BICRA: variants seen among roughly 807,000 people sequenced by gnomAD.
BICRA encodes BRD4-interacting chromatin-remodeling complex-associated protein.
In BICRA, 31 loss-of-function variants were observed where a neutral mutation model predicts 96.9. The observed-to-expected ratio is 0.32, with a 90% CI of 0.24 to 0.43. The LOEUF (loss-of-function observed/expected upper bound fraction) is 0.43. Ranked by LOEUF, BICRA falls within the 20% of genes least tolerant of loss-of-function variation. BICRA has a pLI of 1.00. For synonymous variants in BICRA, 1,350 were observed against 1,071.8 expected (o/e 1.26, Z -5.07); for missense variants, 2,283 against 2,190.3 (o/e 1.04, Z -0.84).
At position 47,694,373 on chromosome 19, in the gene BICRA, A is replaced by G. The variant is rs1490082335; in HGVS notation, c.2542A>G (p.Ser848Gly). The G allele has an allele frequency of 2.7e-6, 3 of 1,095,484 alleles. No individual in the cohort carries two copies. Among genetic ancestry groups the G allele is most frequent in the Non-Finnish European group, 3.8e-6 (3 of 795,920 alleles). The allele number at this position is 1,095,484 out of a possible 1,614,324, so 67.9% of individuals were successfully genotyped here. The change falls in exon 8 of 15, where the codon AGC (serine) becomes GGC (glycine). Residue 848 changes from serine to glycine, a missense_variant. By Grantham distance (56) the Ser-to-Gly change is moderately conservative (BLOSUM62 0). Coordinates refer to ENST00000594866, the MANE Select transcript of BICRA (RefSeq NM_001394372.1). The part of the protein sequence containing the change: ...QNQLGVPPPA[S>G]NPAPTAPGPP... ...CCAGCTAGGCGTTCCCCCGCCTGCC[A>G]GCAACCCGGCCCCTACTGCCCCAGG...
At position 47,673,713 on chromosome 19, in the gene BICRA, C is replaced by T; in HGVS notation, c.42-7C>T. 1.2e-6 allele frequency: 2 copies of T among 1,603,542 alleles called. No homozygotes were observed. The highest frequency in any genetic ancestry group is 2.2e-5 in the South Asian group (2 of 90,832). On this transcript the variant is annotated splice_region_variant and splice_polypyrimidine_tract_variant and intron_variant, in intron 3 of 14. Coordinates refer to ENST00000594866, the MANE Select transcript of BICRA (RefSeq NM_001394372.1). Reference sequence around the variant, plus strand: ...CCTCCTCAGCGTCTCTTCCTCTTCTCTTCCAGTGACCCACAGGCCCTCAAT... The same window carrying T: ...CCTCCTCAGCGTCTCTTCCTCTTCTTTTCCAGTGACCCACAGGCCCTCAAT...
At chr19:47,627,482 C>T (rs1972158389) in intron 1 of BICRA, among the ~76,000 whole-genome samples, 1 of 152,092 alleles carries the variant, frequency 6.6e-6, no homozygotes. Context: ...CGTTTCAGAC[C>T]AGAGTGCACA....
chr19:47,682,777 T>C (rs972892441), intron 7 of BICRA, among the ~76,000 whole-genome samples: 2 of 151,962 alleles, frequency 1.3e-5, no homozygotes, highest in Non-Finnish European at 2.9e-5. Context: ...GTTTAAGTGA[T>C]TCTCCTGCCT....
At chr19:47,655,859 AAAAAAAT>A (rs1413427267) in intron 1 of BICRA, among the ~76,000 whole-genome samples, 1 of 147,216 alleles carries the variant, frequency 6.8e-6, no homozygotes, top group African/African-American at 2.5e-5. Flanking sequence ...CCATCTCAAA[AAAAAAAT>A]AAAAATAAAA....
At position 47,701,672 on chromosome 19, in the gene BICRA, C is replaced by T; in HGVS notation, c.3940C>T (p.Gln1314Ter). ...SRIGLKLKIKQEAGLSKVVHN... is the reference protein window; with the variant it reads ...SRIGLKLKIK ...CATCGGGCTCAAGCTCAAGATCAAG[C>T]AGGAAGCCGGGCTCAGCAAGGTCGT... Residue 1314 changes from glutamine to a stop codon, truncating the protein, a stop_gained, in exon 15 of 15, where the codon CAG becomes TAG. Coordinates refer to ENST00000594866, the MANE Select transcript of BICRA (RefSeq NM_001394372.1). LOFTEE classifies it high-confidence loss of function. This position sits in a 1 kb window ranked among gnomAD's most constrained non-coding sequence, Gnocchi z 5.4. The T allele has an allele frequency of 6.2e-7, 1 of 1,603,640 alleles. No homozygotes were observed. The highest frequency in any genetic ancestry group is 8.5e-7 in the Non-Finnish European group (1 of 1,176,154).
intron 1 of BICRA, among the ~76,000 whole-genome samples, chr19:47,622,074 C>T (rs1401033002): frequency 1.3e-5 from 2 of 151,922 alleles, no homozygotes; most frequent in African/African-American, 4.8e-5. Context: ...TCAAGCAGTT[C>T]TCCTGCCTCA....
At chr19:47,618,869 C>A (rs1422476894) in intron 1 of BICRA, among the ~76,000 whole-genome samples, 1 of 152,202 alleles carries the variant, frequency 6.6e-6, no homozygotes, top group Non-Finnish European at 1.5e-5. Flanking sequence ...GTGAAGCTCC[C>A]CGGAGCCACC....
intron 1 of BICRA, among the ~76,000 whole-genome samples, chr19:47,651,200 C>T (rs1972535371): frequency 6.6e-6 from 1 of 152,144 alleles, no homozygotes; most frequent in African/African-American, 2.4e-5. Context: ...TGTCCCTGCC[C>T]TGTCCGGAGC....
chr19:47,633,696 TCTC>T (rs781652047), intron 1 of BICRA, among the ~76,000 whole-genome samples: 2 of 152,120 alleles, frequency 1.3e-5, no homozygotes, highest in African/African-American at 2.4e-5. Flanking sequence ...CAAAGTCTCT[TCTC>T]CTGTTATAAT....
chr19:47,634,414 A>C (rs1972267733), intron 1 of BICRA, among the ~76,000 whole-genome samples: 1 of 152,158 alleles, frequency 6.6e-6, no homozygotes, highest in African/African-American at 2.4e-5. Flanking sequence ...CCGAGCCTTG[A>C]AAGTGGCCAG....
At position 47,694,365 on chromosome 19, in the gene BICRA, C is replaced by T. The variant is rs868510387; in HGVS notation, c.2534C>T (p.Pro845Leu). The change falls in exon 8 of 15, where the codon CCG becomes CTG. Residue 845 changes from proline to leucine, a missense_variant. Physicochemically the swap from Pro to Leu is moderately conservative, Grantham distance 98 (BLOSUM62 -3). Coordinates refer to ENST00000594866, the MANE Select transcript of BICRA (RefSeq NM_001394372.1). Reference sequence around the variant, plus strand: ...ATCCAAAACCAGCTAGGCGTTCCCCCGCCTGCCAGCAACCCGGCCCCTACT... The same window carrying T: ...ATCCAAAACCAGCTAGGCGTTCCCCTGCCTGCCAGCAACCCGGCCCCTACT... ...FVIQNQLGVP[P>L]PASNPAPTAP... 9.9e-6 allele frequency: 13 copies of T among 1,312,896 alleles called. No individual in the cohort carries two copies. Among genetic ancestry groups the T allele is most frequent in the African/African-American group, 3.0e-5 (2 of 67,026 alleles). The allele number at this position is 1,312,896 out of a possible 1,614,324, so 81.3% of individuals were successfully genotyped here. A position where few individuals can be genotyped will look rare whatever the true frequency, so the allele number is the denominator to read the frequency against.
Position 47,682,115 on chromosome 19 carries a change from C to T in BICRA, c.2246C>T (p.Ala749Val), listed in dbSNP as rs1194101893. 3 of 1,506,084 alleles carry T rather than the reference C, an allele frequency of 2.0e-6. No individual in the cohort carries two copies. The highest frequency in any genetic ancestry group is 2.4e-5 in the East Asian group (1 of 41,742). The allele number at this position is 1,506,084 out of a possible 1,614,324, so 93.3% of individuals were successfully genotyped here. Residue 749 changes from alanine (A) to valine (V), a missense_variant, in exon 7 of 15, where the codon GCC becomes GTC. Transcript: ENST00000594866. Reference sequence around the variant, plus strand: ...AAAGGAGCTGGCCTCGGCCCTCAGGCCCCCGACAGCCAGGCTTCCCCGGCT... The same window carrying T: ...AAAGGAGCTGGCCTCGGCCCTCAGGTCCCCGACAGCCAGGCTTCCCCGGCT... ...VAKGAGLGPQ[A>V]PDSQASPAPA...
intron 9 of BICRA, 23 bp from the exon 10 acceptor site, chr19:47,695,342 T>TCGGGGGGGC: frequency 1.7e-5 from 11 of 630,172 alleles, no homozygotes; most frequent in Non-Finnish European, 3.1e-5. Context: ...AGGCCCTGTC[T>TCGGGGGGGC]CCCCCACCCC....
intron 1 of BICRA, among the ~76,000 whole-genome samples, chr19:47,638,077 G>A (rs562944032): frequency 6.6e-5 from 10 of 152,120 alleles, no homozygotes; most frequent in Admixed American, 2.0e-4. Flanking sequence ...CGGCACCCAC[G>A]GGTCTCTGCC....
chr19:47,679,757 C>G lies in BICRA; in HGVS notation c.587C>G (p.Pro196Arg). The change falls in exon 6 of 15, where the codon CCC (proline) becomes CGC (arginine). Residue 196 changes from proline (P) to arginine (R), a missense_variant. Coordinates refer to ENST00000594866, the MANE Select transcript of BICRA (RefSeq NM_001394372.1). ...GTCAACAAGGCCCTGAGTGTGCAGCCCTTCCTGCAGCCTGTGGGCCTGGGC... is the reference window on the plus strand; with the variant it reads ...GTCAACAAGGCCCTGAGTGTGCAGCGCTTCCTGCAGCCTGTGGGCCTGGGC... ...DVVNKALSVQ[P>R]FLQPVGLGNV... 6.6e-7 allele frequency: 1 copy of G among 1,526,530 alleles called. No homozygotes were observed. The highest frequency in any genetic ancestry group is 8.8e-7 in the Non-Finnish European group (1 of 1,137,258). 94.6% of individuals were successfully genotyped at this position (1,526,530 alleles called of 1,614,324 possible).
intron 1 of BICRA, among the ~76,000 whole-genome samples, chr19:47,632,081 A>T (rs1352143994): frequency 6.6e-6 from 1 of 152,022 alleles, no homozygotes; most frequent in African/African-American, 2.4e-5. Context: ...TTTGAATCTG[A>T]GTGAGATGGG....
At chr19:47,676,011 G>C (rs760428960) in intron 5 of BICRA, 95 bp downstream of exon 5, 2 of 773,724 alleles carry the variant, frequency 2.6e-6, no homozygotes, top group African/African-American at 1.8e-5. Flanking sequence ...GGCTCATCTC[G>C]TGAGGGCTGT....
chr19:47,685,809 A>AT (rs1973148546), intron 7 of BICRA, among the ~76,000 whole-genome samples: 2 of 136,856 alleles, frequency 1.5e-5, no homozygotes, highest in South Asian at 4.8e-4. Context: ...GCATGCGTAC[A>AT]TTTTCCCTTT....
At position 47,613,041 on chromosome 19, in the gene BICRA, G is replaced by T. The variant is rs1014965541; in HGVS notation, c.-108+3873G>T. On this transcript the variant is annotated intron_variant, in intron 1 of 14. Coordinates refer to ENST00000594866, the MANE Select transcript of BICRA (RefSeq NM_001394372.1). ...GCTGAATGTAGGAACTGATCTTTTT[G>T]GGGGGCTGGTGGGAGAAGTCCGAGT... is the stretch of plus-strand genomic sequence containing the variant. 6.6e-5 allele frequency among the ~76,000 whole-genome samples: 10 copies of T among 152,220 alleles called. No individual in the cohort carries two copies. The East Asian group carries it at 1.6e-3, about 24-fold the overall frequency.
Sources: gnomAD v4.1 joint callset for allele counts (sites outside exome capture counted in the v4.1 genomes callset) on GRCh38, gnomAD v4.1.1 for gene constraint, Gnocchi (gnomAD v3.1) non-coding constraint, MANE v1.5 for transcripts, NCBI Gene and HGNC (gene_info 2026-07-23, HGNC 2026-07-21) for gene names.